Variants in AXDND1 observed in about 807,000 individuals in gnomAD.
The protein encoded by AXDND1 is axonemal dynein light chain domain containing 1, also known as axonemal dynein light chain domain-containing protein 1.
In AXDND1, 110 loss-of-function variants were observed where a neutral mutation model predicts 137.5. The observed-to-expected ratio is 0.80, with a 90% CI of 0.69 to 0.94. AXDND1 has a LOEUF of 0.94. Ranked by LOEUF, AXDND1 falls within the 40% of genes least tolerant of loss-of-function variation. AXDND1 has a pLI of 0.00. For missense variants in AXDND1, 1,191 were observed against 1,169.8 expected (o/e 1.02, Z -0.26); for synonymous variants, 414 against 399.7 (o/e 1.04, Z -0.43).
rs538076673 is a variant in AXDND1 at position 179,503,620 on chromosome 1, T to G, written c.2389-5676T>G. On this transcript the variant is annotated intron_variant, in intron 20 of 25. Transcript: ENST00000367618. ...GCACAATGTGCAGGTTTGTTACATA[T>G]GTACACATGTGCCATGTTGGTGTGC... Among the ~76,000 whole-genome samples the G allele has an allele frequency of 5.3e-5, 8 of 152,236 alleles. No individual in the cohort carries two copies. In the East Asian group the frequency reaches 1.5e-3, roughly 29 times the overall value.
At chr1:179,427,177 G>A (rs199506562) in intron 12 of AXDND1, among the ~76,000 whole-genome samples, 2 of 75,842 alleles carry the variant, frequency 2.6e-5, no homozygotes, top group Admixed American at 1.2e-4. Context: ...ACAAAAACAA[G>A]AACAAAAACA....
At chr1:179,516,474 G>A (rs1669549612) in intron 21 of AXDND1, among the ~76,000 whole-genome samples, 1 of 152,064 alleles carries the variant, frequency 6.6e-6, no homozygotes, top group Non-Finnish European at 1.5e-5. Context: ...ATTTCTTCTT[G>A]GTTTGGAACC....
intron 16 of AXDND1, chr1:179,447,721 A>G (rs1484424721): frequency 2.2e-6 from 3 of 1,348,452 alleles, no homozygotes; most frequent in South Asian, 1.2e-5. Flanking sequence ...GACTTTACCT[A>G]AACTATTTGC....
At chr1:179,489,816 G>A (rs1362588390) in intron 18 of AXDND1, among the ~76,000 whole-genome samples, 3 of 146,592 alleles carry the variant, frequency 2.0e-5, no homozygotes, top group African/African-American at 7.6e-5. Flanking sequence ...AACCGTCTCG[G>A]CTCACTGCAA....
chr1:179,420,334 A>G (rs1655480459), intron 12 of AXDND1, among the ~76,000 whole-genome samples: 1 of 152,052 alleles, frequency 6.6e-6, no homozygotes, highest in African/African-American at 2.4e-5. Flanking sequence ...ATGTTGTTGA[A>G]TTTGGTTTGC....
intron 16 of AXDND1, chr1:179,454,093 G>A (rs1490997042): frequency 6.6e-6 from 1 of 152,212 alleles, no homozygotes; most frequent in Admixed American, 6.5e-5. Flanking sequence ...TGGTTTTGAA[G>A]TGTGGAGATT....
In AXDND1 at chr1:179,549,956, T is replaced by C. The variant is rs185140686; in HGVS notation, c.3032-4556T>C. Among the ~76,000 whole-genome samples, 3 of 152,230 alleles carry C rather than the reference T, an allele frequency of 2.0e-5. No homozygotes were observed. The East Asian group carries it at 5.8e-4, about 29-fold the overall frequency. On this transcript the variant is annotated intron_variant, in intron 25 of 25. Transcript: ENST00000367618. The stretch of plus-strand genomic sequence containing the variant: ...TCCCCAACCCATGTCCTGTTGCTGC[T>C]TCATCAGTGTTTGCTTTCTTGTTTC...
intron 25 of AXDND1, among the ~76,000 whole-genome samples, chr1:179,541,675 A>AATATATGC (rs1672170393): frequency 7.2e-6 from 1 of 138,508 alleles, no homozygotes; most frequent in Non-Finnish European, 1.7e-5. Context: ...TAATATGCAT[A>AATATATGC]ATAATATTGC....
intron 11 of AXDND1, among the ~76,000 whole-genome samples, chr1:179,406,333 G>T (rs138144860): frequency 0.011 from 1,676 of 152,314 alleles, 24 homozygotes; most frequent in African/African-American, 0.036. Context: ...GTATTCTGCA[G>T]ATGTTGGATA....
In AXDND1 at chr1:179,440,978, G is replaced by A. The variant is rs540767010; in HGVS notation, c.1564-3992G>A. Among the ~76,000 whole-genome samples, 61 of 152,328 alleles carry A rather than the reference G, an allele frequency of 4.0e-4. 1 individual carries two copies. The highest frequency in any genetic ancestry group is 3.1e-3 in the Admixed American group (48 of 15,302). On this transcript the variant is annotated intron_variant, in intron 15 of 25. Transcript: ENST00000367618. The stretch of plus-strand genomic sequence containing the variant: ...TTGTTTGAGTATGTTTTGGTCCACA[G>A]ATAGTGGCACAACCTTTGGAAGGGC...
At chr1:179,513,242 A>G (rs1022874179) in intron 21 of AXDND1, among the ~76,000 whole-genome samples, 2 of 152,206 alleles carry the variant, frequency 1.3e-5, no homozygotes, top group Non-Finnish European at 1.5e-5. Context: ...TGTCCATTGT[A>G]TGCTGATTTT....
chr1:179,382,782 C>G, intron 7 of AXDND1, 26 bp downstream of exon 7: 2 of 1,549,670 alleles, frequency 1.3e-6, no homozygotes, highest in Non-Finnish European at 1.8e-6. Context: ...TTTCTAAAGT[C>G]TTTCTCAGAA....
At chr1:179,447,029 C>A (rs1226031358) in intron 16 of AXDND1, among the ~76,000 whole-genome samples, 1 of 152,068 alleles carries the variant, frequency 6.6e-6, no homozygotes, top group African/African-American at 2.4e-5. Context: ...TATCTATTAT[C>A]CTGAGTATTT....
Position 179,528,361 on chromosome 1 carries a change from T to C in AXDND1, c.2645T>C (p.Ile882Thr), listed in dbSNP as rs1246031542. Residue 882 changes from isoleucine (I) to threonine (T), a missense_variant, in exon 23 of 26, where the codon ATT (isoleucine) becomes ACT (threonine). Ile to Thr is a moderately conservative substitution (Grantham distance 89). Transcript: ENST00000367618. ...PSTSTEKEKL[I>T]RFIGEDENVH... is the part of the protein sequence containing the mutation. ...ACATCTACAGAGAAGGAAAAACTCA[T>C]TCGATTCATTGGAGAAGATGAAAAT... 10 of 1,613,924 alleles carry C rather than the reference T, an allele frequency of 6.2e-6. No individual in the cohort carries two copies. Among genetic ancestry groups the C allele is most frequent in the African/African-American group, 1.3e-5 (1 of 75,052 alleles).
At chr1:179,539,731 C>T (rs1262793149) in intron 25 of AXDND1, among the ~76,000 whole-genome samples, 7 of 152,074 alleles carry the variant, frequency 4.6e-5, no homozygotes, top group African/African-American at 9.7e-5. Flanking sequence ...TTTGAATATT[C>T]GCCTGCCTTG....
At chr1:179,551,077 C>A in intron 25 of AXDND1, 1 of 1,515,950 alleles carries the variant, frequency 6.6e-7, no homozygotes, top group Non-Finnish European at 9.1e-7. Flanking sequence ...ATATGGCAAC[C>A]AAAGGAAGGG....
chr1:179,456,751 T>C, intron 16 of AXDND1: 4 of 781,694 alleles, frequency 5.1e-6, no homozygotes, highest in Non-Finnish European at 6.9e-6. Flanking sequence ...CCAGAACTAC[T>C]TTGACCTCTT....
At chr1:179,525,097 A>G (rs1670408493) in intron 21 of AXDND1, among the ~76,000 whole-genome samples, 1 of 152,184 alleles carries the variant, frequency 6.6e-6, no homozygotes, top group South Asian at 2.1e-4. Context: ...TCTTTTACCC[A>G]GTCCACTACC....
chr1:179,543,298 T>C (rs1167568798), intron 25 of AXDND1: 1 of 151,998 alleles, frequency 6.6e-6, no homozygotes, highest in Non-Finnish European at 1.5e-5. Context: ...AAGAGGGAAG[T>C]TTGCAAAGAT....
Sources: gnomAD v4.1 joint callset for allele counts (sites outside exome capture counted in the v4.1 genomes callset) on GRCh38, gnomAD v4.1.1 for gene constraint, MANE v1.5 for transcripts, NCBI Gene and HGNC (gene_info 2026-07-23, HGNC 2026-07-21) for gene names.